The following FAM163A variants were observed in gnomAD, a reference collection of about 807,000 sequenced individuals.
FAM163A encodes protein FAM163A.
Under a neutral mutation model 12.0 loss-of-function variants are expected in FAM163A, and 7 were observed. The ratio of observed to expected loss-of-function variants is 0.58; its 90% CI spans 0.33 to 1.10. The LOEUF is 1.10. Ranked by LOEUF, FAM163A falls within the 50% of genes least tolerant of loss-of-function variation. The pLI, the probability that FAM163A is intolerant of heterozygous loss-of-function variation, is 0.03. For missense variants in FAM163A, 202 were observed against 218.6 expected (o/e 0.92, Z 0.48); for synonymous variants, 101 against 91.0 (o/e 1.11, Z -0.62).
At chr1:179,756,624 C>T (rs1231109848) in intron 1 of FAM163A, among the ~76,000 whole-genome samples, 4 of 152,140 alleles carry the variant, frequency 2.6e-5, no homozygotes, top group Non-Finnish European at 4.4e-5. Context: ...CAGTGCAGGT[C>T]TGAAATTCAA....
the FAM163A span, among the ~76,000 whole-genome samples, chr1:179,737,733 G>T: frequency 6.6e-6 from 1 of 151,996 alleles, no homozygotes; most frequent in Non-Finnish European, 1.5e-5. Context: ...TACTCGGGAG[G>T]CTGAGGCAGG....
At chr1:179,747,650 C>T (rs1218834610) in intron 1 of FAM163A, among the ~76,000 whole-genome samples, 2 of 152,218 alleles carry the variant, frequency 1.3e-5, no homozygotes, top group East Asian at 3.8e-4. Context: ...TCTTTCTGCT[C>T]TCCCTTCACT....
chr1:179,804,739 G>T (rs756296852), intron 1 of FAM163A, among the ~76,000 whole-genome samples: 8 of 152,222 alleles, frequency 5.3e-5, no homozygotes, highest in African/African-American at 1.9e-4. Flanking sequence ...TCACATATAA[G>T]TGGGAGCTAA....
intron 1 of FAM163A, among the ~76,000 whole-genome samples, chr1:179,777,701 G>A (rs1557931922): frequency 6.6e-6 from 1 of 152,182 alleles, no homozygotes; most frequent in Non-Finnish European, 1.5e-5. Context: ...ATATGTAATG[G>A]TGTAGTAACA....
In FAM163A at chr1:179,759,603, G is replaced by A. The variant is rs76549551; in HGVS notation, c.-136+16180G>A. On this transcript the variant is annotated intron_variant, in intron 1 of 4. Coordinates refer to ENST00000341785, the MANE Select transcript of FAM163A (RefSeq NM_173509.3). The stretch of plus-strand genomic sequence containing the variant: ...TGAAGAACAGAAAGAGGGCTCATAG[G>A]CTGCAGATAGGGACCAAAGGGAAGG... Among the ~76,000 whole-genome samples, 779 of 152,256 alleles carry A rather than the reference G, an allele frequency of 5.1e-3. 1 individual carries two copies. Among genetic ancestry groups the A allele is most frequent in the African/African-American group, 0.018 (744 of 41,536 alleles).
chr1:179,767,835 T>TA (rs1687717928), intron 1 of FAM163A, among the ~76,000 whole-genome samples: 1 of 152,214 alleles, frequency 6.6e-6, no homozygotes, highest in African/African-American at 2.4e-5. Context: ...GAAGTTTTTT[T>TA]AAAAAATTTA....
intron 1 of FAM163A, among the ~76,000 whole-genome samples, chr1:179,796,730 G>A (rs769708306): frequency 2.0e-4 from 31 of 152,206 alleles, no homozygotes; most frequent in Non-Finnish European, 3.7e-4. Flanking sequence ...AGTCTGCACA[G>A]CCCACAAGAT....
At chr1:179,796,586 C>T in intron 1 of FAM163A, among the ~76,000 whole-genome samples, 1 of 152,208 alleles carries the variant, frequency 6.6e-6, no homozygotes, top group Middle Eastern at 3.2e-3. Flanking sequence ...ATGCTTCTCA[C>T]ACGCCTGTCA....
At chr1:179,801,933 G>A (rs1276295715) in intron 1 of FAM163A, among the ~76,000 whole-genome samples, 1 of 152,192 alleles carries the variant, frequency 6.6e-6, no homozygotes, top group Non-Finnish European at 1.5e-5. Flanking sequence ...CAGGATACCT[G>A]TGTATCAATA....
chr1:179,780,045 T>C (rs889493395), intron 1 of FAM163A, among the ~76,000 whole-genome samples: 2 of 152,244 alleles, frequency 1.3e-5, no homozygotes, highest in African/African-American at 4.8e-5. Flanking sequence ...ACCCAAAGTC[T>C]GACTCTTGGC....
intron 1 of FAM163A, among the ~76,000 whole-genome samples, chr1:179,804,463 G>T (rs1320150907): frequency 6.6e-6 from 1 of 152,222 alleles, no homozygotes. Context: ...CCTGGAAAAT[G>T]AAGATATTGT....
chr1:179,814,313 G>T lies in FAM163A; in HGVS notation c.*124G>T, dbSNP rs1378642998. 16 of 1,274,818 alleles carry T rather than the reference G, an allele frequency of 1.3e-5. No homozygotes were observed. The highest frequency in any genetic ancestry group is 1.6e-5 in the Non-Finnish European group (15 of 940,524). 79.0% of individuals were successfully genotyped at this position (1,274,818 alleles called of 1,614,324 possible). A position where few individuals can be genotyped will look rare whatever the true frequency, so the allele number is the denominator to read the frequency against. On this transcript the variant is annotated 3_prime_UTR_variant, in exon 5 of 5. Coordinates refer to ENST00000341785, the MANE Select transcript of FAM163A (RefSeq NM_173509.3). Reference sequence around the variant, plus strand: ...CTGTTTCTTTGGCTTTTCTCGCTCCGCAGTGGAGGGTTTACTAGGATTTAA... The same window carrying T: ...CTGTTTCTTTGGCTTTTCTCGCTCCTCAGTGGAGGGTTTACTAGGATTTAA...
At chr1:179,757,467 C>G (rs1686190037) in intron 1 of FAM163A, among the ~76,000 whole-genome samples, 1 of 152,066 alleles carries the variant, frequency 6.6e-6, no homozygotes, top group African/African-American at 2.4e-5. Flanking sequence ...AATCATTTAC[C>G]CCTGATGGCA....
At chr1:179,780,638 C>T (rs534153670) in intron 1 of FAM163A, among the ~76,000 whole-genome samples, 17 of 152,142 alleles carry the variant, frequency 1.1e-4, no homozygotes, top group African/African-American at 2.9e-4. Flanking sequence ...TGGGTGGGGC[C>T]GGCAATGCAC....
intron 3 of FAM163A, among the ~76,000 whole-genome samples, chr1:179,812,446 A>C (rs1694818844): frequency 2.6e-5 from 4 of 152,108 alleles, no homozygotes; most frequent in Non-Finnish European, 5.9e-5. Flanking sequence ...AGATACCCCC[A>C]AAAGAAGTGC....
chr1:179,796,715 C>T (rs1692376244), intron 1 of FAM163A, among the ~76,000 whole-genome samples: 1 of 152,216 alleles, frequency 6.6e-6, no homozygotes, highest in Admixed American at 6.5e-5. Context: ...TTACCTTTTA[C>T]CCCAAGTCTG....
chr1:179,811,479 G>C (rs1475530547), intron 2 of FAM163A, among the ~76,000 whole-genome samples: 9 of 152,144 alleles, frequency 5.9e-5, no homozygotes, highest in Admixed American at 5.9e-4. Context: ...TACTCAATTG[G>C]GACCTTGTTA....
rs764220984 is a variant in FAM163A at position 179,813,925 on chromosome 1, C to T, written c.240C>T (p.Thr80=). 38 of 1,613,714 alleles carry T rather than the reference C, an allele frequency of 2.4e-5. No homozygotes were observed. The South Asian group carries it at 4.1e-4, about 17-fold the overall frequency. ...GCAGAGGCAGCCTGGCGCCTCTCAC[C>T]AGCGAGCCCTGCAGCCAGCCCTGTG... ...LDGRGSLAPL[T]SEPCSQPCGV... is the part of the protein sequence containing the mutation. Residue 80 remains threonine, a synonymous_variant, in exon 5 of 5, where the codon ACC becomes ACT. Coordinates refer to ENST00000341785, the MANE Select transcript of FAM163A (RefSeq NM_173509.3).
chr1:179,731,206 A>G, the FAM163A span, among the ~76,000 whole-genome samples: 1 of 152,220 alleles, frequency 6.6e-6, no homozygotes, highest in Admixed American at 6.5e-5. Context: ...GGGGACAAAT[A>G]TATTTCATAT....
Sources: gnomAD v4.1 joint callset for allele counts (sites outside exome capture counted in the v4.1 genomes callset) on GRCh38, gnomAD v4.1.1 for gene constraint, MANE v1.5 for transcripts, NCBI Gene and HGNC (gene_info 2026-07-23, HGNC 2026-07-21) for gene names.